Variants in OTUD7A observed in about 807,000 individuals in gnomAD.
OTUD7A encodes the protein OTU domain-containing protein 7A.
OTUD7A carries 12 observed loss-of-function variants against 65.7 expected under a neutral mutation model. That is an observed-to-expected ratio of 0.18 (90% CI 0.12 to 0.30). The LOEUF is 0.30. Among genes scored for constraint, OTUD7A ranks in the 10% least tolerant of loss-of-function variants. The probability of loss-of-function intolerance (pLI) is 1.00; values close to 1 mark genes in which losing one functional copy is unlikely to be tolerated. For missense variants in OTUD7A, 1,148 were observed against 1,304.8 expected (o/e 0.88, Z 1.85); for synonymous variants, 641 against 586.3 (o/e 1.09, Z -1.35).
At chr15:31,731,458 C>G (rs920977607) in intron 1 of OTUD7A, among the ~76,000 whole-genome samples, 23 of 152,126 alleles carry the variant, frequency 1.5e-4, no homozygotes, top group Admixed American at 1.2e-3. Flanking sequence ...AGAAGCCAAT[C>G]TGAAAAGGCT....
In OTUD7A at chr15:31,611,198, A is replaced by G. The variant is rs567076104; in HGVS notation, c.152-41001T>C. Among the ~76,000 whole-genome samples the G allele has an allele frequency of 2.0e-5, 3 of 152,316 alleles. No homozygotes were observed. In the South Asian group the frequency reaches 6.2e-4, roughly 32 times the overall value. On this transcript the variant is annotated intron_variant, in intron 3 of 12. Coordinates refer to ENST00000307050, the MANE Select transcript of OTUD7A (RefSeq NM_001382637.1). ...CATAGCCCTACACGCCTACATCAAAAAGACTGAAAGAGCACAAACTGACAT... is the reference window on the plus strand; with the variant it reads ...CATAGCCCTACACGCCTACATCAAAGAGACTGAAAGAGCACAAACTGACAT...
Position 31,572,255 on chromosome 15 carries a change from C to T in OTUD7A, c.152-2058G>A, listed in dbSNP as rs188701040. On this transcript the variant is annotated intron_variant, in intron 3 of 12. Coordinates refer to ENST00000307050, the MANE Select transcript of OTUD7A (RefSeq NM_001382637.1). ...CTCCTGCAGATCTTCAAACTGTATT[C>T]CTGTTGTCCTATCTTTCTGTATTTG... Among the ~76,000 whole-genome samples the T allele has an allele frequency of 7.2e-5, 11 of 152,228 alleles. No individual in the cohort carries two copies. The East Asian group carries it at 1.9e-3, about 27-fold the overall frequency.
chr15:31,616,329 T>C (rs1270843353), intron 3 of OTUD7A, among the ~76,000 whole-genome samples: 1 of 152,214 alleles, frequency 6.6e-6, no homozygotes, highest in Non-Finnish European at 1.5e-5. Context: ...GTCTGGTGTG[T>C]GCGCTTGACA....
chr15:31,754,841 G>T (rs1440802426), intron 1 of OTUD7A, among the ~76,000 whole-genome samples: 5 of 152,080 alleles, frequency 3.3e-5, no homozygotes, highest in Non-Finnish European at 1.5e-5. Flanking sequence ...TTTTGACATT[G>T]TGAACCTCCT....
intron 1 of OTUD7A, among the ~76,000 whole-genome samples, chr15:31,734,723 C>A (rs927355397): frequency 1.3e-5 from 2 of 151,634 alleles, no homozygotes; most frequent in African/African-American, 4.8e-5. Context: ...TGAAACTGAA[C>A]CCCTTCCTTC....
chr15:31,484,225 T>A lies in OTUD7A; in HGVS notation c.1871A>T (p.Asp624Val). The change falls in exon 13 of 13, where the codon GAT becomes GTT. Residue 624 changes from aspartate (D) to valine (V), a missense_variant. Around this residue, in one of 6 missense-constraint regions of OTUD7A, gnomAD observed 842 missense variants for 769.5 expected, o/e 1.09. Transcript: ENST00000307050. This position sits in a 1 kb window ranked among gnomAD's most constrained non-coding sequence, Gnocchi z 4.5. ...CAGGATGTTGAGGCTCAGCTTCACA[T>A]CCGTGCTGTACTTCCAGGCGTCGCC... The part of the protein sequence containing the change: ...PRGDAWKYST[D>V]VKLSLNILRA... The A allele has an allele frequency of 6.2e-7, 1 of 1,606,840 alleles. No individual in the cohort carries two copies. Among genetic ancestry groups the A allele is most frequent in the South Asian group, 1.1e-5 (1 of 90,468 alleles).
At chr15:31,844,516 G>A (rs1011725939) in intron 1 of OTUD7A, among the ~76,000 whole-genome samples, 5 of 152,136 alleles carry the variant, frequency 3.3e-5, no homozygotes, top group Non-Finnish European at 5.9e-5. Flanking sequence ...AATAAAATAA[G>A]AATCACACAC....
At chr15:31,639,318 T>A (rs35163858) in intron 3 of OTUD7A, among the ~76,000 whole-genome samples, 41,299 of 148,698 alleles carry the variant, frequency 0.28, 6,798 homozygotes, top group African/African-American at 0.46. Context: ...GAGAGTCATC[T>A]CTGTTGTTGC....
At chr15:31,838,556 C>T (rs928400519) in intron 1 of OTUD7A, among the ~76,000 whole-genome samples, 6 of 152,176 alleles carry the variant, frequency 3.9e-5, no homozygotes, top group African/African-American at 1.4e-4. Flanking sequence ...AGAACCACCA[C>T]TCCCAACTGA....
At chr15:31,532,351 C>G (rs536781519) in intron 5 of OTUD7A, among the ~76,000 whole-genome samples, 2 of 151,990 alleles carry the variant, frequency 1.3e-5, no homozygotes, top group South Asian at 4.2e-4. Flanking sequence ...AGATACAAAA[C>G]AGAGCCAAAT....
intron 10 of OTUD7A, among the ~76,000 whole-genome samples, chr15:31,493,372 C>A (rs926229054): frequency 4.6e-5 from 7 of 152,128 alleles, no homozygotes; most frequent in African/African-American, 1.7e-4. Flanking sequence ...AACAACATAG[C>A]TTCAAAGTAC....
At chr15:31,669,123 T>C (rs764813618) in intron 1 of OTUD7A, among the ~76,000 whole-genome samples, 1 of 152,320 alleles carries the variant, frequency 6.6e-6, no homozygotes, top group Non-Finnish European at 1.5e-5. Flanking sequence ...TTTGTGATGG[T>C]TGGCCACCTG....
At chr15:31,786,663 T>C (rs957433773) in intron 1 of OTUD7A, among the ~76,000 whole-genome samples, 1 of 151,812 alleles carries the variant, frequency 6.6e-6, no homozygotes, top group Non-Finnish European at 1.5e-5. Flanking sequence ...TGCAGAGAGG[T>C]GTCCCTAAGA....
chr15:31,483,274 CCCGCGCCGCG>C lies in OTUD7A; in HGVS notation c.*10_*19del, dbSNP rs532935489. 41 of 1,085,686 alleles carry C rather than the reference CCCGCGCCGCG, an allele frequency of 3.8e-5. 2 individuals are homozygous for C. The highest frequency in any genetic ancestry group is 1.0e-4 in the Admixed American group (2 of 19,214). 67.3% of individuals were successfully genotyped at this position (1,085,686 alleles called of 1,614,324 possible). ...AATCCTCGAAGGTAGAACCTCGCCG[CCCGCGCCGCG>C]CCGCGCCGCTCAGGGCCGGGCCCCG... On this transcript the variant is annotated 3_prime_UTR_variant, in exon 13 of 13. Coordinates refer to ENST00000307050, the MANE Select transcript of OTUD7A (RefSeq NM_001382637.1).
At chr15:31,758,212 TTAGA>T (rs1207202761) in intron 1 of OTUD7A, among the ~76,000 whole-genome samples, 1 of 152,014 alleles carries the variant, frequency 6.6e-6, no homozygotes, top group Non-Finnish European at 1.5e-5. Flanking sequence ...ATAGTATCAT[TTAGA>T]TAAAGGGAAA....
At chr15:31,834,583 T>C (rs1897010131) in intron 1 of OTUD7A, among the ~76,000 whole-genome samples, 1 of 152,236 alleles carries the variant, frequency 6.6e-6, no homozygotes, top group South Asian at 2.1e-4. Flanking sequence ...TTCCAGGAGC[T>C]GCCTCTTGCT....
At position 31,698,924 on chromosome 15, in the gene OTUD7A, G is replaced by C. The variant is rs149403484; in HGVS notation, c.-99-41847C>G. Reference sequence around the variant, plus strand: ...GCCCTTCTTAAAAATAAGAGTAATGGCACCTATTTAACAGGATGGTAATAA... The same window carrying C: ...GCCCTTCTTAAAAATAAGAGTAATGCCACCTATTTAACAGGATGGTAATAA... On this transcript the variant is annotated intron_variant, in intron 1 of 12. Transcript: ENST00000307050. 4.5e-3 allele frequency among the ~76,000 whole-genome samples: 682 copies of C among 151,882 alleles called. 2 individuals are homozygous for C. Among genetic ancestry groups the C allele is most frequent in the African/African-American group, 0.016 (656 of 41,366 alleles).
intron 1 of OTUD7A, among the ~76,000 whole-genome samples, chr15:31,816,562 C>T (rs1465072035): frequency 2.6e-5 from 4 of 151,546 alleles, no homozygotes; most frequent in South Asian, 4.2e-4. Context: ...GGCACAGTGG[C>T]GGGCACCTGT....
chr15:31,634,792 C>T (rs1891289443), intron 3 of OTUD7A, among the ~76,000 whole-genome samples: 1 of 152,236 alleles, frequency 6.6e-6, no homozygotes, highest in African/African-American at 2.4e-5. Flanking sequence ...CCAGTGTCCT[C>T]GCCTCAGTCT....
Sources: gnomAD v4.1 joint callset for allele counts (sites outside exome capture counted in the v4.1 genomes callset) on GRCh38, gnomAD v4.1.1 for gene constraint, gnomAD v4.1.1 regional missense constraint, Gnocchi (gnomAD v3.1) non-coding constraint, MANE v1.5 for transcripts, NCBI Gene and HGNC (gene_info 2026-07-23, HGNC 2026-07-21) for gene names.